The following SMARCAD1 variants were observed in gnomAD, a reference collection of about 807,000 sequenced individuals.
SMARCAD1 encodes SNF2 related chromatin remodeling ATPase with DExD box 1.
SMARCAD1 carries 25 observed loss-of-function variants against 127.1 expected under a neutral mutation model. The ratio of observed to expected loss-of-function variants is 0.20; its 90% CI spans 0.14 to 0.27. SMARCAD1 has a LOEUF of 0.27. Among genes scored for constraint, SMARCAD1 ranks in the 10% least tolerant of loss-of-function variants. SMARCAD1 has a pLI of 1.00. For synonymous variants in SMARCAD1, 400 were observed against 396.9 expected (o/e 1.01, Z -0.09); for missense variants, 807 against 1,206.0 (o/e 0.67, Z 4.90).
intron 9 of SMARCAD1, 81 bp downstream of exon 9, chr4:94,253,088 G>A: frequency 6.3e-7 from 1 of 1,595,112 alleles, no homozygotes. Flanking sequence ...GTTGTCTTCA[G>A]CCCAGGTAAG....
At chr4:94,208,616 C>T (rs776507449) in intron 2 of SMARCAD1, 32 bp downstream of exon 2, 5 of 1,588,440 alleles carry the variant, frequency 3.1e-6, no homozygotes, top group Non-Finnish European at 3.5e-6. Flanking sequence ...GATGTAACAT[C>T]AAGGACAGTT....
Position 94,228,535 on chromosome 4 carries a change from T to G in SMARCAD1, c.368+2239T>G, listed in dbSNP as rs28374259. Among the ~76,000 whole-genome samples the G allele has an allele frequency of 9.2e-3, 1,401 of 152,256 alleles. 20 individuals carry two copies. The highest frequency in any genetic ancestry group is 0.031 in the African/African-American group (1,301 of 41,560). ...TTTGCCAGTTATACCAGTAATGTCCTTTAGAGCATTGCTACTCAAAATACT... is the reference window on the plus strand; with the variant it reads ...TTTGCCAGTTATACCAGTAATGTCCGTTAGAGCATTGCTACTCAAAATACT... On this transcript the variant is annotated intron_variant, in intron 3 of 23. Coordinates refer to ENST00000354268, the MANE Select transcript of SMARCAD1 (RefSeq NM_020159.5).
In SMARCAD1 at chr4:94,276,579, T is replaced by G; in HGVS notation, c.1944+105T>G. ...AGAATCTGTATTATGTAGTTTAATA[T>G]ATGTAGTATTCTGTGTTAGCAAGTT... On this transcript the variant is annotated intron_variant, in intron 15 of 23. Transcript: ENST00000354268. The G allele has an allele frequency of 2.1e-6, 3 of 1,400,338 alleles. No homozygotes were observed. In the South Asian group the frequency reaches 3.8e-5, roughly 18 times the overall value. The allele number at this position is 1,400,338 out of a possible 1,614,324, so 86.7% of individuals were successfully genotyped here.
intron 9 of SMARCAD1, among the ~76,000 whole-genome samples, chr4:94,258,828 T>C (rs1375748443): frequency 6.6e-6 from 1 of 152,198 alleles, no homozygotes; most frequent in African/African-American, 2.4e-5. Flanking sequence ...TTAAAAACAT[T>C]AGCTGCAGAT....
At position 94,234,062 on chromosome 4, in the gene SMARCAD1, T is replaced by C; in HGVS notation, c.477T>C (p.Asp159=). The C allele has an allele frequency of 6.2e-7, 1 of 1,613,680 alleles. No individual in the cohort carries two copies. Residue 159 remains aspartate (D), a synonymous_variant, in exon 4 of 24, where the codon GAT becomes GAC. Transcript: ENST00000354268. ...EDLSELEDLK[D]AKLQTLKELF... The stretch of plus-strand genomic sequence containing the variant: ...TTTCGGAATTGGAAGACCTTAAAGA[T>C]GCTAAACTTCAGACTTTGAAGGAAC...
Position 94,239,607 on chromosome 4 carries a change from C to CTGTCACCTA in SMARCAD1, c.605-1298_605-1290dup, listed in dbSNP as rs1036048913. 4.0e-5 allele frequency among the ~76,000 whole-genome samples: 6 copies of CTGTCACCTA among 149,966 alleles called. No individual in the cohort carries two copies. The Admixed American group carries it at 4.0e-4, about 10-fold the overall frequency. ...TTTTATTTTGAGACAGGGCCTCACT[C>CTGTCACCTA]TGTCACCTAGGCTGGAGTGCAGTGG... is the stretch of plus-strand genomic sequence containing the variant. On this transcript the variant is annotated intron_variant, in intron 5 of 23. Coordinates refer to ENST00000354268, the MANE Select transcript of SMARCAD1 (RefSeq NM_020159.5).
intron 8 of SMARCAD1, among the ~76,000 whole-genome samples, chr4:94,252,226 CAT>C (rs893024504): frequency 6.6e-6 from 1 of 152,162 alleles, no homozygotes; most frequent in African/African-American, 2.4e-5. Context: ...ATAGTTGAAA[CAT>C]ACACACTTTT....
chr4:94,231,247 T>A (rs1324310375), intron 3 of SMARCAD1, among the ~76,000 whole-genome samples: 1 of 152,154 alleles, frequency 6.6e-6, no homozygotes, highest in Admixed American at 6.5e-5. Flanking sequence ...AATGCAGTCT[T>A]GAGCACATTG....
At chr4:94,229,270 G>A (rs1260249721) in intron 3 of SMARCAD1, among the ~76,000 whole-genome samples, 1 of 152,140 alleles carries the variant, frequency 6.6e-6, no homozygotes. Context: ...TTATGATAAT[G>A]ATGGTGGGAA....
chr4:94,264,596 C>T, intron 9 of SMARCAD1, 111 bp from the exon 10 acceptor site: 1 of 842,352 alleles, frequency 1.2e-6, no homozygotes, highest in Non-Finnish European at 1.9e-6. Flanking sequence ...ACTATAAGCT[C>T]ATTAAGTAAA....
At chr4:94,254,559 C>T (rs1579219405) in intron 9 of SMARCAD1, among the ~76,000 whole-genome samples, 1 of 152,094 alleles carries the variant, frequency 6.6e-6, no homozygotes, top group African/African-American at 2.4e-5. Flanking sequence ...ACTAATTAAT[C>T]AGCAGAGTTT....
At chr4:94,215,393 G>A (rs1369106256) in intron 2 of SMARCAD1, among the ~76,000 whole-genome samples, 1 of 152,100 alleles carries the variant, frequency 6.6e-6, no homozygotes, top group Non-Finnish European at 1.5e-5. Flanking sequence ...GGCCGAGGCA[G>A]GAGGATTGCT....
At chr4:94,280,018 C>T (rs1338485547) in intron 19 of SMARCAD1, among the ~76,000 whole-genome samples, 2 of 152,084 alleles carry the variant, frequency 1.3e-5, no homozygotes, top group African/African-American at 4.8e-5. Flanking sequence ...GCACCTACCA[C>T]TACGCCCAGC....
At chr4:94,214,809 T>C (rs950041975) in intron 2 of SMARCAD1, among the ~76,000 whole-genome samples, 2 of 152,198 alleles carry the variant, frequency 1.3e-5, no homozygotes, top group Non-Finnish European at 2.9e-5. Context: ...ATGAATTTTT[T>C]TTTTTTTGCT....
chr4:94,253,311 A>G, intron 9 of SMARCAD1: 2 of 1,361,814 alleles, frequency 1.5e-6, no homozygotes, highest in Non-Finnish European at 1.9e-6. Flanking sequence ...TAGAGCTTAC[A>G]TTTAGGAAGG....
intron 2 of SMARCAD1, among the ~76,000 whole-genome samples, chr4:94,212,728 C>G (rs1355786144): frequency 6.6e-6 from 1 of 152,168 alleles, no homozygotes; most frequent in Non-Finnish European, 1.5e-5. Flanking sequence ...TTCAGGCTAT[C>G]TGCCTGCCTT....
intron 9 of SMARCAD1, 73 bp from the exon 10 acceptor site, chr4:94,264,634 C>A: frequency 7.4e-7 from 1 of 1,348,500 alleles, no homozygotes. Flanking sequence ...TTGTTTTCCT[C>A]ATAAAGAAAT....
Position 94,274,748 on chromosome 4 carries a change from A to G in SMARCAD1, c.1683A>G (p.Leu561=), listed in dbSNP as rs1560561519. The G allele has an allele frequency of 6.2e-7, 1 of 1,613,692 alleles. No homozygotes were observed. Among genetic ancestry groups the G allele is most frequent in the Non-Finnish European group, 8.5e-7 (1 of 1,179,608 alleles). Residue 561 remains leucine, a synonymous_variant, in exon 13 of 24, where the codon TTA becomes TTG. Transcript: ENST00000354268. Reference sequence around the variant, plus strand: ...TCTTCTGTTCCATAGATAACTGGTTAAGGGAAGTTAATTTATGGTGCCCTA... The same window carrying G: ...TCTTCTGTTCCATAGATAACTGGTTGAGGGAAGTTAATTTATGGTGCCCTA... ...VVPASTIDNW[L]REVNLWCPTL...
chr4:94,284,179 T>G (rs1374819362), intron 22 of SMARCAD1, among the ~76,000 whole-genome samples: 4 of 149,704 alleles, frequency 2.7e-5, no homozygotes, highest in East Asian at 2.0e-4. Context: ...AAAAAAAAAT[T>G]AGCCAGGCGT....
Sources: allele counts gnomAD v4.1 joint callset (sites outside exome capture counted in the v4.1 genomes callset), GRCh38; gene constraint gnomAD v4.1.1; transcripts MANE v1.5; gene names NCBI Gene and HGNC (gene_info 2026-07-23, HGNC 2026-07-21).